The following ATP9B variants were observed in gnomAD, a reference collection of about 807,000 sequenced individuals.
ATP9B encodes probable phospholipid-transporting ATPase IIB.
In ATP9B, 110 loss-of-function variants were observed where a neutral mutation model predicts 146.1. That is an observed-to-expected ratio of 0.75 (90% CI 0.65 to 0.88). The LOEUF is 0.88. Ranked by LOEUF, ATP9B falls within the 40% of genes least tolerant of loss-of-function variation. The pLI, the probability that ATP9B is intolerant of heterozygous loss-of-function variation, is 0.00. For missense variants in ATP9B, 1,499 were observed against 1,496.4 expected (o/e 1.00, Z -0.03); for synonymous variants, 604 against 569.7 (o/e 1.06, Z -0.86).
intron 1 of ATP9B, among the ~76,000 whole-genome samples, chr18:79,087,893 A>G (rs1411122021): frequency 3.9e-5 from 6 of 152,094 alleles, no homozygotes; most frequent in Non-Finnish European, 8.8e-5. Flanking sequence ...GTTTTTACTC[A>G]TTTTAAAAAT....
At chr18:79,217,839 G>C (rs1483778744) in intron 11 of ATP9B, among the ~76,000 whole-genome samples, 1 of 152,188 alleles carries the variant, frequency 6.6e-6, no homozygotes, top group East Asian at 1.9e-4. Flanking sequence ...AAACAAAACG[G>C]TAAACATGTA....
chr18:79,196,635 C>T (rs1350162123), intron 9 of ATP9B, among the ~76,000 whole-genome samples: 1 of 152,018 alleles, frequency 6.6e-6, no homozygotes, highest in African/African-American at 2.4e-5. Flanking sequence ...ACACACCTCA[C>T]CAAAAAATAA....
At position 79,345,585 on chromosome 18, in the gene ATP9B, C is replaced by T; in HGVS notation, c.2617+13C>T. On this transcript the variant is annotated intron_variant, in intron 22 of 29. Coordinates refer to ENST00000426216, the MANE Select transcript of ATP9B (RefSeq NM_198531.5). ...ACCTGCGCCATCGGTGAGAGCCGCCCACCCTGCTCACAGGGAGGTCTCCAG... is the reference window on the plus strand; with the variant it reads ...ACCTGCGCCATCGGTGAGAGCCGCCTACCCTGCTCACAGGGAGGTCTCCAG... 1 of 1,604,094 alleles carries T rather than the reference C, an allele frequency of 6.2e-7. No individual in the cohort carries two copies. The highest frequency in any genetic ancestry group is 8.5e-7 in the Non-Finnish European group (1 of 1,177,724).
At chr18:79,345,181 G>A (rs2096879693) in intron 21 of ATP9B, among the ~76,000 whole-genome samples, 2 of 152,140 alleles carry the variant, frequency 1.3e-5, no homozygotes, top group African/African-American at 2.4e-5. Flanking sequence ...GATTCTCTCT[G>A]GTACTTCAAG....
intron 26 of ATP9B, chr18:79,361,543 A>G (rs1425035905): frequency 1.3e-5 from 2 of 151,210 alleles, no homozygotes; most frequent in African/African-American, 4.9e-5. Context: ...TTGGTCAAGA[A>G]TGCAGTCACT....
At chr18:79,236,331 T>C (rs1191413680) in intron 11 of ATP9B, among the ~76,000 whole-genome samples, 1 of 152,194 alleles carries the variant, frequency 6.6e-6, no homozygotes, top group African/African-American at 2.4e-5. Flanking sequence ...CATTTTCCCA[T>C]TGGATTGTTA....
chr18:79,182,917 A>G (rs2095266771), intron 8 of ATP9B, among the ~76,000 whole-genome samples: 1 of 152,228 alleles, frequency 6.6e-6, no homozygotes, highest in South Asian at 2.1e-4. Flanking sequence ...TTAAAAAAGA[A>G]GTGGATGTCA....
intron 12 of ATP9B, among the ~76,000 whole-genome samples, chr18:79,257,577 C>T (rs955647245): frequency 6.6e-6 from 1 of 152,194 alleles, no homozygotes; most frequent in East Asian, 1.9e-4. Context: ...GTTTATTAAG[C>T]GGCAGGCTGC....
At chr18:79,289,117 A>G (rs1286517967) in intron 13 of ATP9B, among the ~76,000 whole-genome samples, 1 of 152,058 alleles carries the variant, frequency 6.6e-6, no homozygotes, top group African/African-American at 2.4e-5. Flanking sequence ...CTCGAGGAGT[A>G]TCTTTGTGGA....
In ATP9B at chr18:79,363,224, T is replaced by G. The variant is rs907378656; in HGVS notation, c.3012+3762T>G. 8.5e-5 allele frequency: 13 copies of G among 152,242 alleles called. 1 individual carries two copies. The highest frequency in any genetic ancestry group is 7.3e-5 in the Non-Finnish European group (5 of 68,040). The allele number at this position is 152,242 out of a possible 1,614,324, so 9.4% of individuals were successfully genotyped here. A position where few individuals can be genotyped will look rare whatever the true frequency, so the allele number is the denominator to read the frequency against. Reference sequence around the variant, plus strand: ...ATGAATAATTGGGGTTTGAAAAAATTTGTAAACATTTATAATAATACATTT... The same window carrying G: ...ATGAATAATTGGGGTTTGAAAAAATGTGTAAACATTTATAATAATACATTT... On this transcript the variant is annotated intron_variant, in intron 26 of 29. Coordinates refer to ENST00000426216, the MANE Select transcript of ATP9B (RefSeq NM_198531.5).
chr18:79,238,357 C>T (rs761812696), intron 11 of ATP9B, among the ~76,000 whole-genome samples: 16 of 151,922 alleles, frequency 1.1e-4, no homozygotes, highest in Non-Finnish European at 2.2e-4. Context: ...CCGGGGCTTA[C>T]GTGAGGTGGT....
chr18:79,231,803 T>TATATATATATATACACACACACACAC (rs569726473), intron 11 of ATP9B, among the ~76,000 whole-genome samples: 4 of 114,758 alleles, frequency 3.5e-5, no homozygotes, highest in African/African-American at 1.4e-4. Context: ...TATATATATA[T>TATATATATATATACACACACACACAC]ACACACACAC....
intron 12 of ATP9B, among the ~76,000 whole-genome samples, chr18:79,266,042 G>A (rs1328150966): frequency 2.0e-5 from 3 of 152,034 alleles, no homozygotes; most frequent in Non-Finnish European, 4.4e-5. Context: ...AAGATCAGAT[G>A]GTTGTAAGTG....
At chr18:79,260,490 G>T (rs1424870008) in intron 12 of ATP9B, among the ~76,000 whole-genome samples, 1 of 152,180 alleles carries the variant, frequency 6.6e-6, no homozygotes, top group Non-Finnish European at 1.5e-5. Flanking sequence ...CAGCAACTCT[G>T]CAGAAACCAG....
chr18:79,165,220 G>T (rs955199733), intron 7 of ATP9B, among the ~76,000 whole-genome samples: 2 of 152,168 alleles, frequency 1.3e-5, no homozygotes, highest in East Asian at 3.8e-4. Flanking sequence ...TCAGTTACAG[G>T]GCTGGTGTTC....
intron 19 of ATP9B, among the ~76,000 whole-genome samples, chr18:79,340,824 C>A (rs540795701): frequency 6.6e-6 from 1 of 152,268 alleles, no homozygotes; most frequent in Non-Finnish European, 1.5e-5. Flanking sequence ...GACTATGGGC[C>A]ATTTACCCAT....
intron 11 of ATP9B, among the ~76,000 whole-genome samples, chr18:79,215,296 G>A (rs1234857374): frequency 2.6e-5 from 4 of 152,238 alleles, no homozygotes; most frequent in Non-Finnish European, 5.9e-5. Flanking sequence ...TAAGTAGAGT[G>A]AGGCCTTCTG....
At chr18:79,347,699 A>G (rs903180314) in intron 23 of ATP9B, 71 bp from the exon 24 acceptor site, 2 of 1,458,704 alleles carry the variant, frequency 1.4e-6, no homozygotes, top group East Asian at 2.5e-5. Flanking sequence ...GCTGAGTTCT[A>G]AAACTCACTT....
chr18:79,377,274 T>A lies in ATP9B; in HGVS notation c.3335T>A (p.Phe1112Tyr). 1.2e-6 allele frequency: 2 copies of A among 1,612,474 alleles called. No individual in the cohort carries two copies. Among genetic ancestry groups the A allele is most frequent in the Non-Finnish European group, 1.7e-6 (2 of 1,180,028 alleles). ...GTTGCCTTTATCACCACCGTGACCT[T>A]CCTGTGGAAAGTGTCGGCGATCACC... ...LDVAFITTVTFLWKVSAITVV... is the reference protein window; with the variant it reads ...LDVAFITTVTYLWKVSAITVV... The change falls in exon 30 of 30, where the codon TTC becomes TAC. Residue 1112 changes from phenylalanine (F) to tyrosine (Y), a missense_variant. By Grantham distance (22) the Phe-to-Tyr change is conservative. Transcript: ENST00000426216.
Sources: gnomAD v4.1 joint callset for allele counts (sites outside exome capture counted in the v4.1 genomes callset) on GRCh38, gnomAD v4.1.1 for gene constraint, MANE v1.5 for transcripts, NCBI Gene and HGNC (gene_info 2026-07-23, HGNC 2026-07-21) for gene names.